The following PATJ variants were observed in gnomAD, a reference collection of about 807,000 sequenced individuals.
PATJ encodes the protein PATJ crumbs cell polarity complex component.
In PATJ, 190 loss-of-function variants were observed where a neutral mutation model predicts 224.9. The observed-to-expected ratio is 0.84, with a 90% confidence interval of 0.75 to 0.95. The LOEUF is 0.95. PATJ is among the 40% of genes least tolerant of loss of function. The pLI, the probability that PATJ is intolerant of heterozygous loss-of-function variation, is 0.00. For synonymous variants in PATJ, 769 were observed against 820.3 expected (o/e 0.94, Z 1.07); for missense variants, 2,121 against 2,270.3 (o/e 0.93, Z 1.34).
intron 31 of PATJ, among the ~76,000 whole-genome samples, chr1:62,055,169 C>T (rs1448995706): frequency 2.0e-5 from 3 of 152,018 alleles, no homozygotes; most frequent in African/African-American, 7.2e-5. Flanking sequence ...ATTATTTATC[C>T]CAGATTTATA....
intron 20 of PATJ, 89 bp downstream of exon 20, chr1:61,864,722 GTT>G: frequency 8.2e-7 from 1 of 1,218,154 alleles, no homozygotes; most frequent in Non-Finnish European, 1.1e-6. Flanking sequence ...AATGTTGTTT[GTT>G]TTTAAATGGG....
chr1:62,105,457 A>G (rs1004417671), intron 33 of PATJ, among the ~76,000 whole-genome samples: 3 of 152,182 alleles, frequency 2.0e-5, no homozygotes, highest in Non-Finnish European at 2.9e-5. Context: ...AGGAGTCTGC[A>G]TTAGTTTCTC....
Position 61,795,466 on chromosome 1 carries a change from G to C in PATJ, c.1169-1G>C, listed in dbSNP as rs370874449. 1.1e-5 allele frequency: 18 copies of C among 1,581,870 alleles called. No homozygotes were observed. The highest frequency in any genetic ancestry group is 1.4e-5 in the Non-Finnish European group (16 of 1,158,036). On this transcript the variant is annotated splice_acceptor_variant, in intron 9 of 43. Transcript: ENST00000642238. LOFTEE classifies it high-confidence loss of function. The stretch of plus-strand genomic sequence containing the variant: ...TTTTCCGTATGTCTGTGCACCTTAA[G>C]GGGAAGCTTCAGGGATTTATGTGAA...
In PATJ at chr1:62,016,300, A is replaced by G. The variant is rs139828520; in HGVS notation, c.3868-1556A>G. ...GTTCACTTCCACATGCTGTCACATT[A>G]TAACTATTTTGACAAAAAAATAACA... On this transcript the variant is annotated intron_variant, in intron 28 of 43. Transcript: ENST00000642238. Among the ~76,000 whole-genome samples, 1,281 of 152,344 alleles carry G rather than the reference A, an allele frequency of 8.4e-3. 11 individuals carry two copies. Among genetic ancestry groups the G allele is most frequent in the Non-Finnish European group, 0.014 (977 of 68,028 alleles).
chr1:62,136,145 A>G (rs1666842560), intron 41 of PATJ, among the ~76,000 whole-genome samples: 1 of 146,100 alleles, frequency 6.8e-6, no homozygotes, highest in African/African-American at 2.5e-5. Flanking sequence ...CTCCTGCCTC[A>G]GCCTCCTGAG....
chr1:62,065,097 T>C (rs1314685023), intron 31 of PATJ, among the ~76,000 whole-genome samples: 1 of 152,234 alleles, frequency 6.6e-6, no homozygotes, highest in South Asian at 2.1e-4. Context: ...TTTGCGTACA[T>C]GATAAATTTC....
At chr1:61,859,485 C>T (rs1435704972) in intron 18 of PATJ, among the ~76,000 whole-genome samples, 1 of 151,868 alleles carries the variant, frequency 6.6e-6, no homozygotes, top group Non-Finnish European at 1.5e-5. Context: ...TGCTCATGAG[C>T]TATAAATAGT....
chr1:62,110,251 T>C (rs979895434), intron 34 of PATJ, among the ~76,000 whole-genome samples: 2 of 152,202 alleles, frequency 1.3e-5, no homozygotes, highest in Non-Finnish European at 2.9e-5. Flanking sequence ...GTTTCCTTTC[T>C]AAACAGCTTT....
intron 27 of PATJ, among the ~76,000 whole-genome samples, chr1:61,943,734 T>C: frequency 6.6e-6 from 1 of 151,508 alleles, no homozygotes. Context: ...TTGAAGAGAG[T>C]AGTGGTTCTC....
chr1:62,147,031 A>G (rs1668108330), intron 41 of PATJ, among the ~76,000 whole-genome samples: 1 of 152,116 alleles, frequency 6.6e-6, no homozygotes, highest in South Asian at 2.1e-4. Context: ...ACCCAGTGAC[A>G]ACTGGATCCA....
intron 31 of PATJ, among the ~76,000 whole-genome samples, chr1:62,067,123 C>CTTTTTTTTTTTTTTTTTTTTTTTTTT (rs11381578): frequency 5.2e-5 from 6 of 116,452 alleles, no homozygotes; most frequent in African/African-American, 6.4e-5. Flanking sequence ...CCTATTCTTT[C>CTTTTTTTTTTTTTTTTTTTTTTTTTT]TTTTTTTTTT....
At chr1:61,769,043 G>A (rs570743445) in intron 4 of PATJ, among the ~76,000 whole-genome samples, 1 of 152,328 alleles carries the variant, frequency 6.6e-6, no homozygotes, top group East Asian at 1.9e-4. Flanking sequence ...CTCATAATGT[G>A]AATGAAGTGT....
Position 62,148,122 on chromosome 1 carries a change from A to T in PATJ, c.5272-162A>T, listed in dbSNP as rs997114443. 1.1e-3 allele frequency among the ~76,000 whole-genome samples: 124 copies of T among 112,566 alleles called. 3 individuals are homozygous for T. The highest frequency in any genetic ancestry group is 4.7e-3 in the African/African-American group (122 of 25,798). 73.8% of individuals were successfully genotyped at this position (112,566 alleles called of 152,430 possible). A position where few individuals can be genotyped will look rare whatever the true frequency, so the allele number is the denominator to read the frequency against. ...AGCAACAGAGTGAGACACTGTCTTT[A>T]AAAAAAAAAAAAAAAAAAAGTTTGA... is the stretch of plus-strand genomic sequence containing the variant. On this transcript the variant is annotated intron_variant, in intron 41 of 43. Coordinates refer to ENST00000642238, the MANE Select transcript of PATJ (RefSeq NM_001350145.3).
At chr1:62,062,169 G>A (rs570338952) in intron 31 of PATJ, among the ~76,000 whole-genome samples, 2 of 151,846 alleles carry the variant, frequency 1.3e-5, no homozygotes, top group East Asian at 1.9e-4. Context: ...TCTCTAAAGT[G>A]CTTGCCACAG....
intron 22 of PATJ, among the ~76,000 whole-genome samples, chr1:61,885,419 C>T (rs1331335352): frequency 1.7e-4 from 26 of 152,018 alleles, no homozygotes; most frequent in Non-Finnish European, 2.4e-4. Context: ...CCAAAAGACA[C>T]GAAAAAATGC....
chr1:61,800,061 A>G (rs2148576173), intron 11 of PATJ, among the ~76,000 whole-genome samples: 1 of 152,332 alleles, frequency 6.6e-6, no homozygotes, highest in South Asian at 2.1e-4. Flanking sequence ...ACATACAAGT[A>G]CATGTGTCTT....
intron 33 of PATJ, among the ~76,000 whole-genome samples, chr1:62,098,800 T>A (rs1342450994): frequency 2.0e-5 from 3 of 152,194 alleles, no homozygotes; most frequent in Admixed American, 2.0e-4. Flanking sequence ...GGAAGCTTTT[T>A]AAAATTTTTA....
chr1:62,019,475 C>A (rs7534748), intron 29 of PATJ, among the ~76,000 whole-genome samples: 2 of 151,582 alleles, frequency 1.3e-5, no homozygotes, highest in African/African-American at 2.4e-5. Flanking sequence ...GCCGAGATCA[C>A]GCCACTGCAC....
intron 25 of PATJ, among the ~76,000 whole-genome samples, chr1:61,912,331 C>G (rs542067106): frequency 3.3e-5 from 5 of 152,196 alleles, no homozygotes; most frequent in African/African-American, 9.6e-5. Flanking sequence ...CAGTGGCTCA[C>G]GCCTGTAATC....
Sources: allele counts gnomAD v4.1 joint callset (sites outside exome capture counted in the v4.1 genomes callset), GRCh38; gene constraint gnomAD v4.1.1; transcripts MANE v1.5; gene names NCBI Gene and HGNC (gene_info 2026-07-23, HGNC 2026-07-21).